The following SVIL variants were observed in gnomAD, a reference collection of about 807,000 sequenced individuals.
SVIL encodes the protein supervillin, also known as archvillin.
A neutral mutation model predicts 240.4 loss-of-function variants in SVIL; 101 were observed. The ratio of observed to expected loss-of-function variants is 0.42; its 90% confidence interval spans 0.36 to 0.50. The LOEUF (loss-of-function observed/expected upper bound fraction) is 0.50. SVIL is among the 20% of genes least tolerant of loss of function. The pLI is 0.01. For missense variants in SVIL, 2,512 were observed against 2,818.7 expected, an observed-to-expected ratio of 0.89 and a Z score of 2.46; for synonymous variants, 999 against 1,100.0, an observed-to-expected ratio of 0.91 and a Z score of 1.82.
At position 29,499,100 on chromosome 10, in the gene SVIL, A is replaced by ACACACACATGTG; in HGVS notation, c.3664+15_3664+16insCACATGTGTGTG. Reference sequence around the variant, plus strand: ...CATTGTGCACACACCACACACATGGACACACACACACTGACCTTTCTTCAC... The same window carrying ACACACACATGTG: ...CATTGTGCACACACCACACACATGGACACACACATGTGCACACACACACTGACCTTTCTTCAC... On this transcript the variant is annotated intron_variant, in intron 18 of 37. Coordinates refer to ENST00000355867, the MANE Select transcript of SVIL (RefSeq NM_021738.3). 1 of 1,606,372 alleles carries ACACACACATGTG rather than the reference A, an allele frequency of 6.2e-7. No homozygotes were observed. Among genetic ancestry groups the ACACACACATGTG allele is most frequent in the Middle Eastern group, 1.7e-4 (1 of 6,026 alleles).
intron 35 of SVIL, among the ~76,000 whole-genome samples, chr10:29,462,691 T>C (rs528858392): frequency 6.6e-6 from 1 of 152,342 alleles, no homozygotes; most frequent in East Asian, 1.9e-4. Flanking sequence ...AGCTTCTGGG[T>C]GGAGCATTTT....
chr10:29,537,698 A>C (rs1951839741), intron 6 of SVIL, among the ~76,000 whole-genome samples: 1 of 152,232 alleles, frequency 6.6e-6, no homozygotes, highest in Admixed American at 6.5e-5. Flanking sequence ...GTTATAATCA[A>C]CTTAATTTTC....
At chr10:29,559,450 C>A (rs539280952) in intron 3 of SVIL, among the ~76,000 whole-genome samples, 13 of 152,106 alleles carry the variant, frequency 8.5e-5, no homozygotes, top group Admixed American at 7.9e-4. Context: ...TATTTCTTAA[C>A]AAAAAAGAAT....
chr10:29,500,169 C>G (rs1172593011), intron 17 of SVIL, among the ~76,000 whole-genome samples: 1 of 152,018 alleles, frequency 6.6e-6, no homozygotes, highest in Non-Finnish European at 1.5e-5. Context: ...GAGGACAGGG[C>G]TCATGCCACT....
chr10:29,629,856 T>C (rs1475696244), intron 1 of SVIL, among the ~76,000 whole-genome samples: 2 of 147,986 alleles, frequency 1.4e-5, no homozygotes, highest in African/African-American at 2.5e-5. Context: ...AGTGATTGCC[T>C]ATAGTCCCAG....
chr10:29,731,726 G>C (rs751129015), intron 1 of SVIL, among the ~76,000 whole-genome samples: 9 of 152,112 alleles, frequency 5.9e-5, no homozygotes, highest in Non-Finnish European at 1.2e-4. Context: ...ACTATATCTG[G>C]AATAACATTG....
At chr10:29,517,591 G>A (rs1336058576) in intron 16 of SVIL, among the ~76,000 whole-genome samples, 3 of 152,210 alleles carry the variant, frequency 2.0e-5, no homozygotes. Context: ...ACAGCCTCTG[G>A]CTGGGTGGGA....
chr10:29,717,098 T>TG lies in SVIL; in HGVS notation c.-400+18652dup, dbSNP rs1010087679. On this transcript the variant is annotated intron_variant, in intron 1 of 35. Transcript: ENST00000375400. ...AAAAACAAAAATTAGCCGGGCGTGG[T>TG]GGGGGGCCCCTGTGGTCCCAGCTAC... is the stretch of plus-strand genomic sequence containing the variant. Among the ~76,000 whole-genome samples, 7 of 151,812 alleles carry TG rather than the reference T, an allele frequency of 4.6e-5. No homozygotes were observed. The East Asian group carries it at 1.4e-3, about 29-fold the overall frequency.
intron 1 of SVIL, among the ~76,000 whole-genome samples, chr10:29,593,392 C>A (rs1166135890): frequency 6.6e-6 from 1 of 152,164 alleles, no homozygotes; most frequent in Non-Finnish European, 1.5e-5. Context: ...AATATTTCAA[C>A]TGTGGACTCG....
chr10:29,613,121 AGCTGAGATTGTGCCATT>A, intron 1 of SVIL, among the ~76,000 whole-genome samples: 1 of 148,456 alleles, frequency 6.7e-6, no homozygotes, highest in Non-Finnish European at 1.5e-5. Context: ...AGTTGCAGTG[AGCTGAGATTGTGCCATT>A]GCCCTCCAGC....
intron 1 of SVIL, among the ~76,000 whole-genome samples, chr10:29,711,531 T>A (rs1247088): frequency 6.6e-6 from 1 of 151,538 alleles, no homozygotes. Context: ...GAGGCCAAGG[T>A]GGGCAGATCA....
intron 17 of SVIL, among the ~76,000 whole-genome samples, chr10:29,503,911 A>T (rs965253993): frequency 2.6e-5 from 4 of 152,190 alleles, no homozygotes; most frequent in African/African-American, 9.7e-5. Context: ...AAGGGGAAGA[A>T]AAAAGTTGGA....
rs1307843569 is a variant in SVIL, at chr10:29,522,414, C to T, written c.3385G>A (p.Glu1129Lys). The change falls in exon 16 of 38, where the codon GAA (glutamate) becomes AAA (lysine). Residue 1129 changes from glutamate to lysine, a missense_variant. Around this residue, in one of 3 missense-constraint regions of SVIL, gnomAD observed 1,443 missense variants for 1,486.6 expected, o/e 0.97. Transcript: ENST00000355867. ...TCGCTCACCGAATCTCATTACCTTT[C>T]TTTAATAGACATGGTTTTGCTGGGT... ...DSPSKTMSIK[E>K]RLALLKKSGE... 1 of 1,614,030 alleles carries T rather than the reference C, an allele frequency of 6.2e-7. No homozygotes were observed. Among genetic ancestry groups the T allele is most frequent in the African/African-American group, 1.3e-5 (1 of 74,902 alleles).
At chr10:29,578,786 G>C (rs1047644655) in intron 1 of SVIL, among the ~76,000 whole-genome samples, 4 of 152,142 alleles carry the variant, frequency 2.6e-5, no homozygotes. Flanking sequence ...CAATCAAATG[G>C]GCAGGCAAGC....
intron 3 of SVIL, among the ~76,000 whole-genome samples, chr10:29,643,714 C>G (rs1481718459): frequency 3.9e-5 from 6 of 152,110 alleles, no homozygotes; most frequent in African/African-American, 1.4e-4. Flanking sequence ...CGCTTTTTCT[C>G]AAAGCTTTTG....
intron 1 of SVIL, among the ~76,000 whole-genome samples, chr10:29,610,970 C>T (rs554110502): frequency 3.1e-4 from 47 of 152,286 alleles, no homozygotes; most frequent in African/African-American, 1.1e-3. Context: ...CTGTGTTCAG[C>T]TCACTTTTGT....
At chr10:29,470,696 A>T (rs1295364664) in intron 31 of SVIL, among the ~76,000 whole-genome samples, 1 of 152,186 alleles carries the variant, frequency 6.6e-6, no homozygotes, top group African/African-American at 2.4e-5. Flanking sequence ...GGGTTCTTAC[A>T]TAGTTAGAAG....
At chr10:29,636,720 C>A (rs1406883055), upstream of SVIL, among the ~76,000 whole-genome samples, 1 of 152,190 alleles carries the variant, frequency 6.6e-6, no homozygotes, top group Non-Finnish European at 1.5e-5. Flanking sequence ...AATCAACACA[C>A]AAAAGATGTC....
At chr10:29,495,606 G>A (rs1414634170) in intron 18 of SVIL, among the ~76,000 whole-genome samples, 2 of 152,192 alleles carry the variant, frequency 1.3e-5, no homozygotes, top group African/African-American at 4.8e-5. Context: ...CCAGGCTGAG[G>A]GGAGGGAGGG....
Sources: allele counts gnomAD v4.1 joint callset (sites outside exome capture counted in the v4.1 genomes callset), GRCh38; gene constraint gnomAD v4.1.1; regional missense constraint gnomAD v4.1.1; transcripts MANE v1.5; gene names NCBI Gene and HGNC (gene_info 2026-07-23, HGNC 2026-07-21).